DDX10: variants seen among roughly 807,000 people sequenced by gnomAD.
DDX10 encodes the protein DEAD-box helicase 10, also known as probable ATP-dependent RNA helicase DDX10.
In DDX10, 74 loss-of-function variants were observed where a neutral mutation model predicts 104.3. The observed-to-expected ratio is 0.71, with a 90% CI of 0.59 to 0.86. The LOEUF (loss-of-function observed/expected upper bound fraction) is 0.86, where lower values mean the gene tolerates loss of function less well. Among genes scored for constraint, DDX10 ranks in the 40% least tolerant of loss-of-function variants. DDX10 has a pLI of 0.00. For missense variants in DDX10, 952 were observed against 1,040.0 expected (o/e 0.92, Z 1.16); for synonymous variants, 351 against 353.4 (o/e 0.99, Z 0.08).
chr11:108,818,445 A>G (rs1372342852), intron 13 of DDX10, among the ~76,000 whole-genome samples: 1 of 152,204 alleles, frequency 6.6e-6, no homozygotes, highest in Admixed American at 6.5e-5. Flanking sequence ...GAATTAGCCA[A>G]ATTATGGGTG....
chr11:108,906,729 T>C (rs767571049), intron 16 of DDX10, among the ~76,000 whole-genome samples: 1 of 152,212 alleles, frequency 6.6e-6, no homozygotes, highest in Non-Finnish European at 1.5e-5. Context: ...AGATGATCAA[T>C]AAGATGCACC....
chr11:108,699,018 A>G (rs1217066963), intron 9 of DDX10, among the ~76,000 whole-genome samples: 5 of 152,142 alleles, frequency 3.3e-5, no homozygotes, highest in African/African-American at 9.7e-5. Context: ...TCCTTTCTCC[A>G]AAGTCCTTTA....
intron 15 of DDX10, among the ~76,000 whole-genome samples, chr11:108,850,698 T>G (rs559260078): frequency 6.6e-6 from 1 of 152,144 alleles, no homozygotes; most frequent in African/African-American, 2.4e-5. Flanking sequence ...CTAAAACATA[T>G]TGATACGGAT....
intron 13 of DDX10, among the ~76,000 whole-genome samples, chr11:108,743,536 G>T (rs2094327832): frequency 6.6e-6 from 1 of 152,118 alleles, no homozygotes; most frequent in Non-Finnish European, 1.5e-5. Context: ...TTTAAATATG[G>T]TTGGAAAAAT....
chr11:108,782,539 C>A (rs1326863827), intron 13 of DDX10, among the ~76,000 whole-genome samples: 1 of 152,094 alleles, frequency 6.6e-6, no homozygotes, highest in Non-Finnish European at 1.5e-5. Context: ...ATCCTTATAG[C>A]TGCTGTTTTT....
intron 2 of DDX10, among the ~76,000 whole-genome samples, chr11:108,674,265 A>G (rs561278882): frequency 7.9e-5 from 12 of 151,606 alleles, no homozygotes; most frequent in African/African-American, 2.7e-4. Flanking sequence ...ATGCCACTCT[A>G]CTCCAGCCTG....
At chr11:108,865,347 A>G (rs773718549) in intron 16 of DDX10, among the ~76,000 whole-genome samples, 5 of 152,144 alleles carry the variant, frequency 3.3e-5, no homozygotes, top group African/African-American at 4.8e-5. Flanking sequence ...TAGCTCTACA[A>G]TTCTGATTTC....
intron 13 of DDX10, among the ~76,000 whole-genome samples, chr11:108,769,943 A>G (rs971845874): frequency 2.0e-5 from 3 of 152,098 alleles, no homozygotes; most frequent in African/African-American, 2.4e-5. Context: ...CTCAAAATAA[A>G]AAAAATTTAG....
At chr11:108,685,160 A>G in intron 6 of DDX10, among the ~76,000 whole-genome samples, 1 of 150,572 alleles carries the variant, frequency 6.6e-6, no homozygotes. Context: ...TTGCCTGTTC[A>G]CTCTGATGGT....
intron 16 of DDX10, among the ~76,000 whole-genome samples, chr11:108,867,706 A>C (rs1317102775): frequency 6.6e-6 from 1 of 152,214 alleles, no homozygotes; most frequent in African/African-American, 2.4e-5. Flanking sequence ...AAATTAGAAC[A>C]TGTAGTCTGT....
intron 16 of DDX10, among the ~76,000 whole-genome samples, chr11:108,869,363 A>G (rs906722089): frequency 2.6e-5 from 4 of 152,122 alleles, no homozygotes; most frequent in African/African-American, 9.6e-5. Flanking sequence ...AGCATTTTTC[A>G]TTGTTTAACG....
chr11:108,903,050 A>T (rs1256645280), intron 16 of DDX10, among the ~76,000 whole-genome samples: 1 of 152,188 alleles, frequency 6.6e-6, no homozygotes, highest in African/African-American at 2.4e-5. Flanking sequence ...TACCAAGAGA[A>T]TTGAATACAT....
Position 108,920,479 on chromosome 11 carries a change from G to A in DDX10, c.2450+2461G>A, listed in dbSNP as rs1591126129. 3.9e-5 allele frequency: 6 copies of A among 152,220 alleles called. No individual in the cohort carries two copies. The South Asian group carries it at 1.2e-3, about 32-fold the overall frequency. 9.4% of individuals were successfully genotyped at this position (152,220 alleles called of 1,614,324 possible). A position where few individuals can be genotyped will look rare whatever the true frequency, so the allele number is the denominator to read the frequency against. Reference sequence around the variant, plus strand: ...CTGTAGCGTATATAAGGGCTTCCTAGCAGGTTTTTTGTTTTGGCCTGTGAA... The same window carrying A: ...CTGTAGCGTATATAAGGGCTTCCTAACAGGTTTTTTGTTTTGGCCTGTGAA... On this transcript the variant is annotated intron_variant, in intron 17 of 17. Coordinates refer to ENST00000322536, the MANE Select transcript of DDX10 (RefSeq NM_004398.4).
At chr11:108,808,614 T>G (rs1193209477) in intron 13 of DDX10, among the ~76,000 whole-genome samples, 1 of 152,118 alleles carries the variant, frequency 6.6e-6, no homozygotes, top group Non-Finnish European at 1.5e-5. Flanking sequence ...TAAGGTTGTT[T>G]CCATCTTTGT....
intron 10 of DDX10, 144 bp downstream of exon 10, chr11:108,706,981 G>A (rs1248911178): frequency 3.1e-6 from 2 of 655,424 alleles, no homozygotes; most frequent in Non-Finnish European, 5.3e-6. Flanking sequence ...TTTTAGAACA[G>A]TTTTAGGTTC....
At chr11:108,876,438 G>T (rs186601525) in intron 16 of DDX10, among the ~76,000 whole-genome samples, 1 of 152,106 alleles carries the variant, frequency 6.6e-6, no homozygotes, top group African/African-American at 2.4e-5. Context: ...ACAAAATGGC[G>T]AGGGGCCTTT....
intron 13 of DDX10, among the ~76,000 whole-genome samples, chr11:108,828,463 TGC>T (rs1408494573): frequency 1.3e-5 from 2 of 152,246 alleles, no homozygotes; most frequent in Non-Finnish European, 2.9e-5. Context: ...CCATCCAGGT[TGC>T]TGTGAATGCC....
intron 15 of DDX10, among the ~76,000 whole-genome samples, chr11:108,850,016 T>C (rs752401255): frequency 2.0e-5 from 3 of 152,178 alleles, no homozygotes; most frequent in Non-Finnish European, 4.4e-5. Context: ...TTGGCTCTTT[T>C]CAGAGTACTA....
Position 108,665,292 on chromosome 11 carries a change from C to G in DDX10, c.139C>G (p.Gln47Glu), listed in dbSNP as rs2094208611. The G allele has an allele frequency of 6.2e-7, 1 of 1,606,334 alleles. No individual in the cohort carries two copies. Among genetic ancestry groups the G allele is most frequent in the African/African-American group, 1.3e-5 (1 of 74,314 alleles). The change falls in exon 1 of 18, where the codon CAG (glutamine) becomes GAG (glutamate). Residue 47 changes from glutamine (Q) to glutamate (E), a missense_variant. By Grantham distance (29) the Gln-to-Glu change is conservative. This residue lies in a region of DDX10 where 412 missense variants were observed against 479.2 expected (regional missense o/e 0.86). Coordinates refer to ENST00000322536, the MANE Select transcript of DDX10 (RefSeq NM_004398.4). ...LRKQLKKPEW[Q>E]VERESISRLM... ...GAAGCAACTGAAGAAACCCGAATGG[C>G]AGGTCGAGCGCGAGAGTATCAGCCG...
Sources: allele counts gnomAD v4.1 joint callset (sites outside exome capture counted in the v4.1 genomes callset), GRCh38; gene constraint gnomAD v4.1.1; regional missense constraint gnomAD v4.1.1; transcripts MANE v1.5; gene names NCBI Gene and HGNC (gene_info 2026-07-23, HGNC 2026-07-21).